CERT1: variants seen among roughly 807,000 people sequenced by gnomAD.
The protein encoded by CERT1 is ceramide transporter 1, also known as ceramide transfer protein.
CERT1 carries 31 observed loss-of-function variants against 87.9 expected under a neutral mutation model. The ratio of observed to expected loss-of-function variants is 0.35; its 90% confidence interval spans 0.27 to 0.48. The LOEUF is 0.48. Ranked by LOEUF, CERT1 falls within the 20% of genes least tolerant of loss-of-function variation. The pLI is 0.99. For missense variants in CERT1, 487 were observed against 758.0 expected (o/e 0.64, Z 4.20); for synonymous variants, 289 against 250.9 (o/e 1.15, Z -1.44).
intron 5 of CERT1, among the ~76,000 whole-genome samples, chr5:75,422,902 G>A (rs182588608): frequency 1.6e-4 from 25 of 152,284 alleles, no homozygotes; most frequent in Admixed American, 5.2e-4. Context: ...TGAAGATATA[G>A]GGAGGCTACC....
At chr5:75,471,868 C>G (rs977417108) in intron 2 of CERT1, among the ~76,000 whole-genome samples, 1 of 151,516 alleles carries the variant, frequency 6.6e-6, no homozygotes, top group Non-Finnish European at 1.5e-5. Flanking sequence ...TCTACAGATT[C>G]AATGCAATCC....
intron 2 of CERT1, among the ~76,000 whole-genome samples, chr5:75,495,710 C>T (rs774569630): frequency 6.6e-6 from 1 of 152,060 alleles, no homozygotes; most frequent in Non-Finnish European, 1.5e-5. Context: ...CAACAGAGTG[C>T]CACTGCAGAT....
At chr5:75,493,537 C>A (rs1282381988) in intron 2 of CERT1, among the ~76,000 whole-genome samples, 1 of 152,226 alleles carries the variant, frequency 6.6e-6, no homozygotes, top group Non-Finnish European at 1.5e-5. Flanking sequence ...GAGAAGTCCA[C>A]AGTCATTTTG....
intron 7 of CERT1, among the ~76,000 whole-genome samples, chr5:75,413,873 C>A (rs1380291346): frequency 6.6e-6 from 1 of 151,934 alleles, no homozygotes; most frequent in Non-Finnish European, 1.5e-5. Flanking sequence ...AGCATATACC[C>A]CTATGAATCA....
chr5:75,453,848 G>A (rs1764860676), intron 3 of CERT1, among the ~76,000 whole-genome samples: 1 of 152,146 alleles, frequency 6.6e-6, no homozygotes, highest in Admixed American at 6.5e-5. Flanking sequence ...GAGAGAGCAC[G>A]AGTGGAGGGT....
At chr5:75,433,206 T>C (rs1763946718) in intron 3 of CERT1, among the ~76,000 whole-genome samples, 1 of 152,238 alleles carries the variant, frequency 6.6e-6, no homozygotes. Context: ...AATTTTAAAA[T>C]AGTTTTTTCT....
downstream of CERT1, chr5:75,377,771 T>G (rs1380653964): frequency 6.6e-6 from 1 of 152,232 alleles, no homozygotes; most frequent in Non-Finnish European, 1.5e-5. Context: ...TAAATTTTAC[T>G]GTATAACTTT....
intron 2 of CERT1, among the ~76,000 whole-genome samples, chr5:75,471,185 CT>C (rs1426168876): frequency 1.3e-5 from 2 of 152,220 alleles, no homozygotes; most frequent in African/African-American, 2.4e-5. Flanking sequence ...GAGAAATATG[CT>C]TTTTGGTGAT....
chr5:75,464,467 C>T, intron 2 of CERT1, among the ~76,000 whole-genome samples: 1 of 152,168 alleles, frequency 6.6e-6, no homozygotes, highest in Non-Finnish European at 1.5e-5. Flanking sequence ...TGAAGGCAAG[C>T]AGATAAAGAA....
intron 3 of CERT1, among the ~76,000 whole-genome samples, chr5:75,441,695 T>G (rs1764330561): frequency 6.6e-6 from 1 of 152,242 alleles, no homozygotes; most frequent in African/African-American, 2.4e-5. Flanking sequence ...GTGACTGGCT[T>G]CACTTAGCAT....
intron 3 of CERT1, among the ~76,000 whole-genome samples, chr5:75,426,923 A>C (rs1224471255): frequency 6.6e-6 from 1 of 152,238 alleles, no homozygotes; most frequent in African/African-American, 2.4e-5. Flanking sequence ...AACAGTGGTC[A>C]AAATGGTAAT....
intron 8 of CERT1, among the ~76,000 whole-genome samples, chr5:75,403,812 G>C (rs1762599172): frequency 6.6e-6 from 1 of 152,130 alleles, no homozygotes; most frequent in South Asian, 2.1e-4. Context: ...TTTCTTAGTA[G>C]GTCTTCAGTG....
At position 75,511,391 on chromosome 5, in the gene CERT1, G is replaced by A. The variant is rs1407668129; in HGVS notation, c.-184C>T. On this transcript the variant is annotated 5_prime_UTR_variant, in exon 1 of 17. Coordinates refer to ENST00000643780, the MANE Select transcript of CERT1 (RefSeq NM_001379029.1). ...GCCGCCGCCGCGCCTGACACCGAGC[G>A]GAGCGAGGAAGGAGGACGAGCGGTG... The A allele has an allele frequency of 3.3e-5, 51 of 1,546,272 alleles. No homozygotes were observed. Among genetic ancestry groups the A allele is most frequent in the Admixed American group, 3.9e-5 (2 of 50,882 alleles).
chr5:75,471,527 G>A (rs1255389694), intron 2 of CERT1, among the ~76,000 whole-genome samples: 1 of 152,068 alleles, frequency 6.6e-6, no homozygotes, highest in Non-Finnish European at 1.5e-5. Context: ...TTGGGAGGCT[G>A]AGGCAGGCAG....
chr5:75,394,013 G>C (rs1305904660), intron 11 of CERT1, among the ~76,000 whole-genome samples: 1 of 152,098 alleles, frequency 6.6e-6, no homozygotes, highest in African/African-American at 2.4e-5. Context: ...AAACCATAGA[G>C]GGGGCTTGTT....
At chr5:75,406,810 G>A (rs1014851750) in intron 8 of CERT1, among the ~76,000 whole-genome samples, 1 of 152,146 alleles carries the variant, frequency 6.6e-6, no homozygotes, top group African/African-American at 2.4e-5. Context: ...CTCCCAAAGT[G>A]TTGGTATTAC....
upstream of CERT1, chr5:75,511,755 C>G (rs1320020398): frequency 2.6e-6 from 4 of 1,551,152 alleles, no homozygotes; most frequent in East Asian, 9.8e-5. Context: ...CTCCCGAACC[C>G]TACCTCCGGC....
At chr5:75,424,484 A>C (rs1338041747) in intron 5 of CERT1, among the ~76,000 whole-genome samples, 2 of 151,964 alleles carry the variant, frequency 1.3e-5, no homozygotes, top group African/African-American at 4.8e-5. Context: ...AGGCAGGACA[A>C]TCACTTGAAC....
At chr5:75,506,156 A>T (rs1380788852) in intron 1 of CERT1, 40 bp from the exon 2 acceptor site, 2 of 1,588,612 alleles carry the variant, frequency 1.3e-6, no homozygotes, top group Admixed American at 3.6e-5. Flanking sequence ...AAGAAAACAA[A>T]AAATAGAAGT....
Sources: allele counts gnomAD v4.1 joint callset (sites outside exome capture counted in the v4.1 genomes callset), GRCh38; gene constraint gnomAD v4.1.1; transcripts MANE v1.5; gene names NCBI Gene and HGNC (gene_info 2026-07-23, HGNC 2026-07-21).